The following GLRA2 variants were observed in gnomAD, a reference collection of about 807,000 sequenced individuals.
GLRA2 encodes the protein glycine receptor subunit alpha-2.
A neutral mutation model predicts 31.6 loss-of-function variants in GLRA2; 11 were observed. That is an observed-to-expected ratio of 0.35 (90% CI 0.22 to 0.58). The LOEUF is 0.58. Among genes scored for constraint, GLRA2 ranks in the 20% least tolerant of loss-of-function variants. The probability of loss-of-function intolerance (pLI) is 0.84; values close to 1 mark genes in which losing one functional copy is unlikely to be tolerated. For synonymous variants in GLRA2, 132 were observed against 134.0 expected (o/e 0.99, Z 0.10); for missense variants, 212 against 351.8 (o/e 0.60, Z 3.18).
chrX:14,465,411 ACTT>A, the GLRA2 span, among the ~76,000 whole-genome samples: 1 of 112,053 alleles, frequency 8.9e-6, no homozygotes, highest in Non-Finnish European at 1.9e-5. Flanking sequence ...AGACAATTCG[ACTT>A]CTTCTTTCCC....
At position 14,647,513 on chromosome X, in the gene GLRA2, CA is replaced by C. The variant is rs200544770; in HGVS notation, c.930+38310del. Among the ~76,000 whole-genome samples, 834 of 111,209 alleles carry C rather than the reference CA, an allele frequency of 7.5e-3. 6 individuals are homozygous for C. The highest frequency in any genetic ancestry group is 0.011 in the Non-Finnish European group (587 of 53,030). On this transcript the variant is annotated intron_variant, in intron 7 of 8. Coordinates refer to ENST00000218075, the MANE Select transcript of GLRA2 (RefSeq NM_002063.4). The stretch of plus-strand genomic sequence containing the variant: ...TGTGTATACATAAGGCTGAACAGGG[CA>C]ATGTGGAGAAAGGGAAAACAGGAGA...
chrX:14,709,835 C>T (rs2091687903), intron 8 of GLRA2, among the ~76,000 whole-genome samples: 1 of 112,060 alleles, frequency 8.9e-6, no homozygotes, highest in South Asian at 3.7e-4. Context: ...ACAGTGTTCA[C>T]CTGCTTCGGT....
chrX:14,654,113 A>G (rs181953115), intron 7 of GLRA2, among the ~76,000 whole-genome samples: 2 of 111,547 alleles, frequency 1.8e-5, no homozygotes, highest in Admixed American at 1.9e-4. Flanking sequence ...TGACAGAATG[A>G]GACCCTGTCT....
chrX:14,711,583 T>C (rs2091710240), intron 8 of GLRA2, among the ~76,000 whole-genome samples: 1 of 112,689 alleles, frequency 8.9e-6, no homozygotes, highest in Non-Finnish European at 1.9e-5. Context: ...CTGGGCTAGA[T>C]AGCCCTGTGT....
At chrX:14,488,550 G>A in the GLRA2 span, among the ~76,000 whole-genome samples, 1 of 112,288 alleles carries the variant, frequency 8.9e-6, no homozygotes, top group South Asian at 3.7e-4. Context: ...AGACATTTAG[G>A]ATATGCCTAG....
intron 8 of GLRA2, among the ~76,000 whole-genome samples, chrX:14,708,646 G>A (rs2091665473): frequency 8.9e-6 from 1 of 111,820 alleles, no homozygotes; most frequent in African/African-American, 3.3e-5. Flanking sequence ...GGAGAAAAGA[G>A]AGACATCAGG....
At chrX:14,628,754 C>T (rs758426107) in intron 7 of GLRA2, among the ~76,000 whole-genome samples, 2 of 111,680 alleles carry the variant, frequency 1.8e-5, no homozygotes, top group Admixed American at 9.6e-5. Context: ...GACTGTGTGG[C>T]TGGAATGTAG....
intron 7 of GLRA2, among the ~76,000 whole-genome samples, chrX:14,649,724 T>A (rs774176288): frequency 8.9e-6 from 1 of 111,992 alleles, no homozygotes; most frequent in East Asian, 2.8e-4. Flanking sequence ...ATTTAAGTTT[T>A]CTCTGACCTG....
chrX:14,579,926 CAAA>C (rs1424428101), intron 3 of GLRA2, among the ~76,000 whole-genome samples: 2 of 111,952 alleles, frequency 1.8e-5, no homozygotes, highest in Non-Finnish European at 3.8e-5. Flanking sequence ...AAAACAAAAA[CAAA>C]AACCGTATTG....
chrX:14,459,654 C>T, the GLRA2 span, among the ~76,000 whole-genome samples: 1 of 111,187 alleles, frequency 9.0e-6, no homozygotes, highest in Non-Finnish European at 1.9e-5. Flanking sequence ...GGGAGTTCAC[C>T]CATGATTTGG....
intron 7 of GLRA2, among the ~76,000 whole-genome samples, chrX:14,616,853 T>C (rs912754496): frequency 8.9e-6 from 1 of 112,036 alleles, no homozygotes; most frequent in African/African-American, 3.2e-5. Context: ...CCAAGCAAAT[T>C]GATCTGCAGG....
chrX:14,719,450 G>A (rs1192462613), intron 8 of GLRA2, among the ~76,000 whole-genome samples: 2 of 111,994 alleles, frequency 1.8e-5, no homozygotes, highest in Non-Finnish European at 3.8e-5. Flanking sequence ...GTATATGAAA[G>A]AATGCTGAAC....
intron 4 of GLRA2, among the ~76,000 whole-genome samples, chrX:14,582,073 A>ATT (rs368731286): frequency 2.6e-4 from 27 of 104,400 alleles, no homozygotes; most frequent in South Asian, 4.3e-4. Flanking sequence ...TTTTTTCCAT[A>ATT]TTTTTTTATT....
At chrX:14,479,654 C>T in the GLRA2 span, among the ~76,000 whole-genome samples, 1 of 111,396 alleles carries the variant, frequency 9.0e-6, no homozygotes, top group African/African-American at 3.3e-5. Context: ...TTCCTGTGTT[C>T]TCAGGATAAT....
intron 7 of GLRA2, among the ~76,000 whole-genome samples, chrX:14,676,155 TTGTAC>T (rs1453224000): frequency 6.2e-5 from 7 of 112,540 alleles, no homozygotes; most frequent in Non-Finnish European, 1.3e-4. Context: ...TAAAATGAAA[TTGTAC>T]TGTACAGAAA....
chrX:14,582,847 C>T (rs1040220099), intron 4 of GLRA2, among the ~76,000 whole-genome samples: 1 of 111,793 alleles, frequency 8.9e-6, no homozygotes, highest in East Asian at 2.8e-4. Flanking sequence ...AGCTCAAAAG[C>T]AGCCATAGGT....
the GLRA2 span, among the ~76,000 whole-genome samples, chrX:14,504,566 G>A: frequency 1.8e-5 from 2 of 111,765 alleles, no homozygotes; most frequent in South Asian, 7.5e-4. Context: ...AATGATGAGT[G>A]AAGTAACGGA....
chrX:14,647,646 G>A (rs767994220), intron 7 of GLRA2, among the ~76,000 whole-genome samples: 1 of 112,170 alleles, frequency 8.9e-6, no homozygotes, highest in East Asian at 2.8e-4. Flanking sequence ...TTTTATTTAA[G>A]GTAAAGATGG....
chrX:14,629,935 TTCA>T (rs2090626123), intron 7 of GLRA2, among the ~76,000 whole-genome samples: 1 of 111,746 alleles, frequency 8.9e-6, no homozygotes, highest in Non-Finnish European at 1.9e-5. Flanking sequence ...AACCCCACAG[TTCA>T]TTTTTATTAT....
Sources: gnomAD v4.1 joint callset for allele counts (sites outside exome capture counted in the v4.1 genomes callset) on GRCh38, gnomAD v4.1.1 for gene constraint, MANE v1.5 for transcripts, NCBI Gene and HGNC (gene_info 2026-07-23, HGNC 2026-07-21) for gene names.